PPP2R5E: variants seen among roughly 807,000 people sequenced by gnomAD.
PPP2R5E encodes serine/threonine-protein phosphatase 2A 56 kDa regulatory subunit epsilon isoform.
Under a neutral mutation model 65.3 loss-of-function variants are expected in PPP2R5E, and 4 were observed. The ratio of observed to expected loss-of-function variants is 0.06; its 90% CI spans 0.03 to 0.14. The LOEUF is 0.14. Ranked by LOEUF, PPP2R5E falls within the 10% of genes least tolerant of loss-of-function variation. The probability of loss-of-function intolerance (pLI) is 1.00; values close to 1 mark genes in which losing one functional copy is unlikely to be tolerated. For missense variants in PPP2R5E, 274 were observed against 556.1 expected, an observed-to-expected ratio of 0.49 and a Z score of 5.10; for synonymous variants, 183 against 187.4, an observed-to-expected ratio of 0.98 and a Z score of 0.19.
chr14:63,521,032 CTG>C (rs1892887757), intron 2 of PPP2R5E, among the ~76,000 whole-genome samples: 2 of 151,800 alleles, frequency 1.3e-5, no homozygotes, highest in African/African-American at 4.8e-5. Context: ...GAGTGAGACT[CTG>C]TCTCAAAAAA....
Position 63,393,804 on chromosome 14 carries a change from T to A in PPP2R5E, c.849+16A>T. 6.7e-7 allele frequency: 1 copy of A among 1,492,634 alleles called. No homozygotes were observed. The highest frequency in any genetic ancestry group is 9.2e-7 in the Non-Finnish European group (1 of 1,082,062). The allele number at this position is 1,492,634 out of a possible 1,614,324, so 92.5% of individuals were successfully genotyped here. A position where few individuals can be genotyped will look rare whatever the true frequency, so the allele number is the denominator to read the frequency against. On this transcript the variant is annotated intron_variant, in intron 8 of 13. Transcript: ENST00000337537. ...TTTATTTTGCTTCTAAAAGTAGTTG[T>A]ACAAAATCCTCCTACCTGTGCATGG...
intron 5 of PPP2R5E, among the ~76,000 whole-genome samples, chr14:63,414,346 T>C (rs1886570593): frequency 1.3e-5 from 2 of 152,184 alleles, no homozygotes; most frequent in Non-Finnish European, 2.9e-5. Context: ...CAAATTAATG[T>C]TTTAAATTTG....
chr14:63,493,966 A>C (rs1237021143), intron 2 of PPP2R5E, among the ~76,000 whole-genome samples: 2 of 152,132 alleles, frequency 1.3e-5, no homozygotes, highest in Non-Finnish European at 2.9e-5. Context: ...GGTATTCTCA[A>C]ATACTCTACT....
chr14:63,522,178 G>A (rs907440679), intron 2 of PPP2R5E, among the ~76,000 whole-genome samples: 5 of 152,192 alleles, frequency 3.3e-5, no homozygotes, highest in African/African-American at 7.2e-5. Context: ...GCTCCTAACC[G>A]CGAGTGATCC....
chr14:63,470,078 C>T (rs956019595), intron 2 of PPP2R5E, among the ~76,000 whole-genome samples: 1 of 151,616 alleles, frequency 6.6e-6, no homozygotes, highest in Non-Finnish European at 1.5e-5. Flanking sequence ...CCCCACACCC[C>T]CCACTTTTTT....
At chr14:63,411,727 G>A (rs1194178294) in intron 5 of PPP2R5E, among the ~76,000 whole-genome samples, 2 of 147,332 alleles carry the variant, frequency 1.4e-5, no homozygotes, top group Admixed American at 6.8e-5. Context: ...CTCTCACCAC[G>A]TGACACACAT....
chr14:63,466,949 G>A (rs915350530), intron 2 of PPP2R5E, among the ~76,000 whole-genome samples: 11 of 152,098 alleles, frequency 7.2e-5, no homozygotes, highest in East Asian at 1.9e-4. Context: ...ATTATTGGCC[G>A]GGTGCAGTGG....
chr14:63,520,826 T>C (rs905727251), intron 2 of PPP2R5E, among the ~76,000 whole-genome samples: 15 of 119,230 alleles, frequency 1.3e-4, no homozygotes, highest in Non-Finnish European at 1.5e-4. Context: ...CCATCCTGGC[T>C]AACATGGTGA....
chr14:63,466,682 C>T (rs1389200090), intron 2 of PPP2R5E, among the ~76,000 whole-genome samples: 1 of 152,050 alleles, frequency 6.6e-6, no homozygotes, highest in Non-Finnish European at 1.5e-5. Context: ...GCTTTATTTC[C>T]TCGTGTGTAT....
At chr14:63,438,814 C>T (rs2139423915) in intron 3 of PPP2R5E, among the ~76,000 whole-genome samples, 1 of 152,208 alleles carries the variant, frequency 6.6e-6, no homozygotes, top group Admixed American at 6.5e-5. Context: ...AAATCCTTGT[C>T]AGATTCCTTA....
At chr14:63,454,062 C>T (rs1888994946) in intron 2 of PPP2R5E, among the ~76,000 whole-genome samples, 177 bp from the exon 3 acceptor site, 1 of 152,158 alleles carries the variant, frequency 6.6e-6, no homozygotes, top group South Asian at 2.1e-4. Context: ...ACTTCAGAGA[C>T]CTTGTCTTTG....
intron 2 of PPP2R5E, among the ~76,000 whole-genome samples, chr14:63,458,302 T>C (rs1274186824): frequency 6.6e-6 from 1 of 152,332 alleles, no homozygotes; most frequent in African/African-American, 2.4e-5. Flanking sequence ...AGCTCATTCT[T>C]CCCTACTAGT....
At chr14:63,441,723 A>G (rs904247144) in intron 3 of PPP2R5E, among the ~76,000 whole-genome samples, 2 of 152,138 alleles carry the variant, frequency 1.3e-5, no homozygotes, top group African/African-American at 4.8e-5. Flanking sequence ...CATCCTGGCT[A>G]ACATGGTGAA....
In PPP2R5E at chr14:63,466,808, T is replaced by A. The variant is rs541074799; in HGVS notation, c.158-12923A>T. Among the ~76,000 whole-genome samples the A allele has an allele frequency of 2.6e-5, 4 of 152,210 alleles. No individual in the cohort carries two copies. The South Asian group carries it at 8.3e-4, about 32-fold the overall frequency. On this transcript the variant is annotated intron_variant, in intron 2 of 13. Coordinates refer to ENST00000337537, the MANE Select transcript of PPP2R5E (RefSeq NM_006246.5). ...ACATACATATGTGTATGTATGTATG[T>A]GTGTATGAACAGTTTTGAGTATATG...
At chr14:63,473,733 A>G (rs1210771361) in intron 2 of PPP2R5E, among the ~76,000 whole-genome samples, 1 of 152,232 alleles carries the variant, frequency 6.6e-6, no homozygotes, top group Non-Finnish European at 1.5e-5. Flanking sequence ...TAACAGGAAA[A>G]GGGGATGACA....
intron 2 of PPP2R5E, among the ~76,000 whole-genome samples, chr14:63,511,297 G>T (rs549988803): frequency 6.6e-6 from 1 of 152,280 alleles, no homozygotes; most frequent in African/African-American, 2.4e-5. Flanking sequence ...AGGCTTTAGA[G>T]AACCCCACAA....
At chr14:63,487,718 T>A (rs1450845610) in intron 2 of PPP2R5E, among the ~76,000 whole-genome samples, 1 of 152,240 alleles carries the variant, frequency 6.6e-6, no homozygotes, top group African/African-American at 2.4e-5. Flanking sequence ...GTGTATGCTC[T>A]ATGTATTTCC....
rs201555014 is a variant in PPP2R5E, at chr14:63,494,090, AAC to A, written c.158-40207_158-40206del. Among the ~76,000 whole-genome samples, 991 of 152,244 alleles carry A rather than the reference AAC, an allele frequency of 6.5e-3. 10 individuals carry two copies. The highest frequency in any genetic ancestry group is 0.022 in the African/African-American group (919 of 41,566). ...TCCTATAGACATACTCCCCTATGTG[AAC>A]ACAGAGATATGTCTTAAGTAGCTCC... On this transcript the variant is annotated intron_variant, in intron 2 of 13. Coordinates refer to ENST00000337537, the MANE Select transcript of PPP2R5E (RefSeq NM_006246.5).
At chr14:63,403,020 T>A (rs528125111) in intron 5 of PPP2R5E, among the ~76,000 whole-genome samples, 1 of 152,186 alleles carries the variant, frequency 6.6e-6, no homozygotes, top group Non-Finnish European at 1.5e-5. Flanking sequence ...GGATAAGGCA[T>A]TCACCTGGTG....
Sources: gnomAD v4.1 joint callset for allele counts (sites outside exome capture counted in the v4.1 genomes callset) on GRCh38, gnomAD v4.1.1 for gene constraint, MANE v1.5 for transcripts, NCBI Gene and HGNC (gene_info 2026-07-23, HGNC 2026-07-21) for gene names.